Variants in COX16 observed in about 807,000 individuals in gnomAD.
COX16 encodes cytochrome c oxidase assembly protein COX16 homolog, mitochondrial.
Under a neutral mutation model 15.4 loss-of-function variants are expected in COX16, and 12 were observed. The ratio of observed to expected loss-of-function variants is 0.78; its 90% CI spans 0.50 to 1.26. The LOEUF is 1.26. Among genes scored for constraint, COX16 ranks in the 50% most tolerant of loss-of-function variants. COX16 has a pLI of 0.00. For missense variants in COX16, 124 were observed against 127.6 expected (o/e 0.97, Z 0.14); for synonymous variants, 46 against 41.1 (o/e 1.12, Z -0.46).
intron 2 of COX16, among the ~76,000 whole-genome samples, chr14:70,332,249 G>C (rs1186803089): frequency 1.3e-5 from 2 of 152,212 alleles, no homozygotes; most frequent in Non-Finnish European, 2.9e-5. Context: ...TCCCAGCTCA[G>C]AGCTGTTTAC....
intron 2 of COX16, among the ~76,000 whole-genome samples, chr14:70,333,546 AG>A (rs1566598279): frequency 6.6e-6 from 1 of 152,210 alleles, no homozygotes; most frequent in African/African-American, 2.4e-5. Context: ...AAGAGAAAAA[AG>A]GAAAAAGAAT....
At chr14:70,359,416 T>C in intron 1 of COX16, 103 bp downstream of exon 1, 1 of 1,045,860 alleles carries the variant, frequency 9.6e-7, no homozygotes. Context: ...CTAGCCCGAG[T>C]GCCAGCCCTT....
At chr14:70,334,384 G>T (rs899210632) in intron 2 of COX16, among the ~76,000 whole-genome samples, 1 of 152,128 alleles carries the variant, frequency 6.6e-6, no homozygotes, top group African/African-American at 2.4e-5. Context: ...TTCATCGGTT[G>T]TGGTGGTGCG....
chr14:70,330,986 TAAA>T (rs1886268860), intron 2 of COX16, among the ~76,000 whole-genome samples: 1 of 151,798 alleles, frequency 6.6e-6, no homozygotes, highest in Non-Finnish European at 1.5e-5. Context: ...AATCATAAAG[TAAA>T]AGAAGAATAA....
In COX16 at chr14:70,359,648, A is replaced by C; in HGVS notation, c.-61T>G. 2.2e-4 allele frequency: 319 copies of C among 1,427,458 alleles called. No individual in the cohort carries two copies. The highest frequency in any genetic ancestry group is 2.8e-4 in the Non-Finnish European group (286 of 1,011,414). The allele number at this position is 1,427,458 out of a possible 1,614,324, so 88.4% of individuals were successfully genotyped here. On this transcript the variant is annotated 5_prime_UTR_variant, in exon 1 of 4. Coordinates refer to ENST00000389912, the MANE Select transcript of COX16 (RefSeq NM_016468.7). ...GGCCTAGCGCAGACTCCCAAATCTCAGCAGCTCACGCTCTCACCAAGACGA... is the reference window on the plus strand; with the variant it reads ...GGCCTAGCGCAGACTCCCAAATCTCCGCAGCTCACGCTCTCACCAAGACGA...
At chr14:70,342,262 T>C (rs1886645940) in intron 2 of COX16, among the ~76,000 whole-genome samples, 1 of 152,054 alleles carries the variant, frequency 6.6e-6, no homozygotes, top group Non-Finnish European at 1.5e-5. Context: ...CTGGCCAACA[T>C]AGTGAAACCC....
intron 1 of COX16, among the ~76,000 whole-genome samples, chr14:70,354,231 C>A (rs1208620574): frequency 6.6e-6 from 1 of 152,116 alleles, no homozygotes; most frequent in Non-Finnish European, 1.5e-5. Context: ...CAAAAGAGAA[C>A]AAATCAGAAA....
intron 2 of COX16, among the ~76,000 whole-genome samples, chr14:70,339,385 T>C (rs1886556605): frequency 6.6e-6 from 1 of 152,208 alleles, no homozygotes; most frequent in South Asian, 2.1e-4. Flanking sequence ...GCACATCCAT[T>C]ACTGAGAAGC....
chr14:70,327,621 A>T (rs1886123790), intron 3 of COX16, among the ~76,000 whole-genome samples: 1 of 152,232 alleles, frequency 6.6e-6, no homozygotes, highest in Non-Finnish European at 1.5e-5. Context: ...AGATTATTTC[A>T]TAAGTATAGT....
chr14:70,337,611 CAA>C (rs754184776), intron 2 of COX16, among the ~76,000 whole-genome samples: 177 of 151,724 alleles, frequency 1.2e-3, no homozygotes, highest in Non-Finnish European at 1.8e-3. Context: ...ACTGAAAAAA[CAA>C]GAGAAAAATA....
At chr14:70,354,912 A>C (rs1006526259) in intron 1 of COX16, among the ~76,000 whole-genome samples, 2 of 151,056 alleles carry the variant, frequency 1.3e-5, no homozygotes, top group African/African-American at 4.9e-5. Context: ...TAGAATCCAC[A>C]CTCCTAACTA....
intron 1 of COX16, among the ~76,000 whole-genome samples, chr14:70,343,865 G>A (rs1044566271): frequency 3.3e-5 from 5 of 152,190 alleles, no homozygotes; most frequent in African/African-American, 9.7e-5. Context: ...ATAACAATGG[G>A]GAATTGCAGA....
At chr14:70,359,441 C>G in intron 1 of COX16, 78 bp downstream of exon 1, 5 of 1,317,778 alleles carry the variant, frequency 3.8e-6, no homozygotes, top group Non-Finnish European at 5.5e-6. Context: ...TCACATTTTA[C>G]AGATTCCCTC....
intron 1 of COX16, among the ~76,000 whole-genome samples, chr14:70,358,371 ATTTTTTT>A (rs34871293): frequency 4.3e-5 from 4 of 94,070 alleles, no homozygotes; most frequent in South Asian, 3.8e-4. Flanking sequence ...AAAAACAACA[ATTTTTTT>A]TTTTTTTTTT....
At chr14:70,336,047 G>A (rs561367134) in intron 2 of COX16, among the ~76,000 whole-genome samples, 2 of 152,226 alleles carry the variant, frequency 1.3e-5, no homozygotes, top group South Asian at 2.1e-4. Flanking sequence ...ATGAGGTCAG[G>A]AGATCAAGAC....
In COX16 at chr14:70,326,414, ATTC is replaced by A. The variant is rs1402807779; in HGVS notation, c.237_239del (p.Lys79del). 1 of 1,593,932 alleles carries A rather than the reference ATTC, an allele frequency of 6.3e-7. No homozygotes were observed. The highest frequency in any genetic ancestry group is 8.5e-7 in the Non-Finnish European group (1 of 1,171,418). On this transcript the variant is annotated inframe_deletion, in exon 4 of 4. Transcript: ENST00000389912. ...CTTCCCAAGGCCTGGGTCCTCGAAT[ATTC>A]TTCCAGTCATCAAACTTGGAGTCTT...
intron 2 of COX16, among the ~76,000 whole-genome samples, chr14:70,336,170 C>T (rs536988684): frequency 2.0e-4 from 30 of 152,240 alleles, no homozygotes; most frequent in Non-Finnish European, 4.0e-4. Flanking sequence ...GCAGGAGAAT[C>T]GCTTGAACCC....
At chr14:70,351,638 GA>G (rs1465246215) in intron 1 of COX16, among the ~76,000 whole-genome samples, 1 of 151,930 alleles carries the variant, frequency 6.6e-6, no homozygotes, top group Non-Finnish European at 1.5e-5. Context: ...TTTTTAGTGA[GA>G]AATTATGTAT....
At chr14:70,348,757 A>C (rs543086892) in intron 1 of COX16, among the ~76,000 whole-genome samples, 69 of 152,304 alleles carry the variant, frequency 4.5e-4, no homozygotes, top group African/African-American at 1.6e-3. Context: ...AAGGTTTTTT[A>C]ACTGCAAAAA....
Sources: allele counts gnomAD v4.1 joint callset (sites outside exome capture counted in the v4.1 genomes callset), GRCh38; gene constraint gnomAD v4.1.1; transcripts MANE v1.5; gene names NCBI Gene and HGNC (gene_info 2026-07-23, HGNC 2026-07-21).